The following GRM7 variants were observed in gnomAD, a reference collection of about 807,000 sequenced individuals.
GRM7 encodes the protein metabotropic glutamate receptor 7.
In GRM7, 35 loss-of-function variants were observed where a neutral mutation model predicts 84.5. The ratio of observed to expected loss-of-function variants is 0.41; its 90% confidence interval spans 0.32 to 0.55. The LOEUF (loss-of-function observed/expected upper bound fraction) is 0.55. Ranked by LOEUF, GRM7 falls within the 20% of genes least tolerant of loss-of-function variation. The probability of loss-of-function intolerance (pLI) is 0.19; values close to 1 mark genes in which losing one functional copy is unlikely to be tolerated. For synonymous variants in GRM7, 487 were observed against 455.1 expected, an observed-to-expected ratio of 1.07 and a Z score of -0.89; for missense variants, 1,003 against 1,194.6, an observed-to-expected ratio of 0.84 and a Z score of 2.36.
At chr3:7,363,804 T>C (rs747161572) in intron 4 of GRM7, among the ~76,000 whole-genome samples, 21 of 152,202 alleles carry the variant, frequency 1.4e-4, no homozygotes, top group Middle Eastern at 3.4e-3. Flanking sequence ...TTGATATCAT[T>C]AGATTTTTAT....
At chr3:7,320,360 A>G (rs1413778382) in intron 4 of GRM7, among the ~76,000 whole-genome samples, 1 of 152,068 alleles carries the variant, frequency 6.6e-6, no homozygotes. Context: ...TGTATATTTT[A>G]TGCTAAGTAT....
intron 1 of GRM7, among the ~76,000 whole-genome samples, chr3:6,905,138 C>T (rs997596580): frequency 5.9e-5 from 9 of 152,066 alleles, no homozygotes; most frequent in African/African-American, 1.7e-4. Context: ...CGCTTTTTCA[C>T]GCTGTCCTTA....
At chr3:7,516,407 G>A (rs1166005922) in intron 7 of GRM7, among the ~76,000 whole-genome samples, 2 of 146,186 alleles carry the variant, frequency 1.4e-5, no homozygotes, top group Non-Finnish European at 3.0e-5. Flanking sequence ...AACCTGGGAG[G>A]TGGAGCTTGC....
At chr3:7,520,107 T>C (rs1700539532) in intron 7 of GRM7, 1 of 152,126 alleles carries the variant, frequency 6.6e-6, no homozygotes, top group Admixed American at 6.5e-5. Context: ...CATAGACTAT[T>C]GGATGAAATA....
At chr3:7,583,349 T>C (rs888770535) in intron 8 of GRM7, among the ~76,000 whole-genome samples, 1 of 152,160 alleles carries the variant, frequency 6.6e-6, no homozygotes, top group African/African-American at 2.4e-5. Flanking sequence ...AAAATCTGCC[T>C]AGAACTAATA....
At chr3:6,908,217 T>G (rs1696646448) in intron 1 of GRM7, among the ~76,000 whole-genome samples, 2 of 152,218 alleles carry the variant, frequency 1.3e-5, no homozygotes, top group African/African-American at 2.4e-5. Flanking sequence ...GCAGCTCTCT[T>G]TCTAATGTAG....
chr3:6,881,676 G>A (rs1338119358), intron 1 of GRM7, among the ~76,000 whole-genome samples: 1 of 138,004 alleles, frequency 7.2e-6, no homozygotes, highest in Non-Finnish European at 1.7e-5. Flanking sequence ...CAGCAAACAA[G>A]CATGAAAAAA....
chr3:7,360,137 CTGTGTGTGTGTGTGTG>C (rs58123164), intron 4 of GRM7, among the ~76,000 whole-genome samples: 9 of 136,038 alleles, frequency 6.6e-5, no homozygotes, highest in African/African-American at 2.0e-4. Context: ...TTTTTTCCCT[CTGTGTGTGTGTGTGTG>C]TGTGTGTGTG....
At chr3:7,473,489 G>GGAGAGA (rs372898836) in intron 7 of GRM7, among the ~76,000 whole-genome samples, 14,807 of 126,210 alleles carry the variant, frequency 0.12, 1,202 homozygotes, top group Non-Finnish European at 0.16. Flanking sequence ...AAAACGAGAG[G>GGAGAGA]GAGAGAGAGA....
chr3:7,381,659 G>C (rs1331010062), intron 4 of GRM7, among the ~76,000 whole-genome samples: 1 of 152,022 alleles, frequency 6.6e-6, no homozygotes, highest in East Asian at 1.9e-4. Context: ...CTATACAGTG[G>C]GAATAATAAT....
chr3:7,249,350 T>A (rs1697893472), intron 2 of GRM7, among the ~76,000 whole-genome samples: 3 of 152,206 alleles, frequency 2.0e-5, no homozygotes, highest in African/African-American at 7.2e-5. Flanking sequence ...TTGCATTTTT[T>A]AATTGTGCTT....
At chr3:7,678,048 T>C (rs1700206261) in intron 8 of GRM7, among the ~76,000 whole-genome samples, 1 of 152,084 alleles carries the variant, frequency 6.6e-6, no homozygotes, top group South Asian at 2.1e-4. Context: ...GTCATGGAGA[T>C]AAAGATGACA....
chr3:6,959,779 T>G (rs1236797807), intron 1 of GRM7, among the ~76,000 whole-genome samples: 1 of 152,210 alleles, frequency 6.6e-6, no homozygotes, highest in East Asian at 1.9e-4. Context: ...CAGCCCATAA[T>G]CATGCAGACT....
intron 2 of GRM7, among the ~76,000 whole-genome samples, chr3:7,240,440 C>A (rs1478391667): frequency 2.0e-5 from 3 of 151,378 alleles, no homozygotes; most frequent in African/African-American, 7.3e-5. Flanking sequence ...GGTTTGTGAC[C>A]TCTAAAATAG....
intron 9 of GRM7, among the ~76,000 whole-genome samples, chr3:7,721,748 T>C (rs947164021): frequency 2.0e-5 from 3 of 152,222 alleles, no homozygotes; most frequent in Admixed American, 6.5e-5. Context: ...AGTTCCAGTA[T>C]TGCACAGAGT....
At chr3:6,974,298 A>G (rs1448610060) in intron 1 of GRM7, among the ~76,000 whole-genome samples, 2 of 152,144 alleles carry the variant, frequency 1.3e-5, no homozygotes, top group African/African-American at 4.8e-5. Context: ...AAAAATTGAC[A>G]TGTTATGTTC....
chr3:6,940,748 C>T (rs1248963470), intron 1 of GRM7, among the ~76,000 whole-genome samples: 1 of 152,116 alleles, frequency 6.6e-6, no homozygotes, highest in Non-Finnish European at 1.5e-5. Flanking sequence ...TATTTGAACC[C>T]CCATTTTCTA....
intron 2 of GRM7, among the ~76,000 whole-genome samples, chr3:7,262,711 GT>G (rs1320068048): frequency 3.2e-5 from 4 of 126,790 alleles, no homozygotes; most frequent in Non-Finnish European, 4.9e-5. Flanking sequence ...TGGTTTGTTT[GT>G]TTGAGATGGA....
chr3:7,575,828 A>G (rs2125050367), intron 7 of GRM7, among the ~76,000 whole-genome samples: 1 of 152,332 alleles, frequency 6.6e-6, no homozygotes, highest in South Asian at 2.1e-4. Context: ...GTTCGTGGTT[A>G]CAGCTCCTGT....
Sources: gnomAD v4.1 joint callset for allele counts (sites outside exome capture counted in the v4.1 genomes callset) on GRCh38, gnomAD v4.1.1 for gene constraint, MANE v1.5 for transcripts, NCBI Gene and HGNC (gene_info 2026-07-23, HGNC 2026-07-21) for gene names.